ADGB: variants seen among roughly 807,000 people sequenced by gnomAD.
ADGB encodes calpain-7-like protein.
A neutral mutation model predicts 210.5 loss-of-function variants in ADGB; 172 were observed. The observed-to-expected ratio is 0.82, with a 90% CI of 0.72 to 0.93. The LOEUF (loss-of-function observed/expected upper bound fraction) is 0.93. Ranked by LOEUF, ADGB falls within the 40% of genes least tolerant of loss-of-function variation. ADGB has a pLI of 0.00. For missense variants in ADGB, 2,025 were observed against 1,964.8 expected (o/e 1.03, Z -0.58); for synonymous variants, 658 against 662.7 (o/e 0.99, Z 0.11).
chr6:146,638,204 T>G (rs1035462079), intron 2 of ADGB, among the ~76,000 whole-genome samples: 1 of 135,866 alleles, frequency 7.4e-6, no homozygotes, highest in Non-Finnish European at 1.7e-5. Flanking sequence ...ATGTTAACCC[T>G]TTTCCCATTA....
chr6:146,803,852 C>A, intron 35 of ADGB: 1 of 335,548 alleles, frequency 3.0e-6, no homozygotes, highest in Non-Finnish European at 5.4e-6. Context: ...GCCGCGCGCG[C>A]GGCCTGCCGG....
intron 22 of ADGB, among the ~76,000 whole-genome samples, chr6:146,735,546 G>C (rs1411018630): frequency 6.6e-6 from 1 of 152,108 alleles, no homozygotes; most frequent in Non-Finnish European, 1.5e-5. Context: ...ACCTCTTAAA[G>C]GTTCCACTTC....
chr6:146,672,441 CT>C lies in ADGB; in HGVS notation c.1062del (p.Glu355ArgfsTer80). On this transcript the variant is annotated frameshift_variant, in exon 8 of 36. Transcript: ENST00000397944. LOFTEE classifies it high-confidence loss of function. ...AGTTCTTTGACAACACTAAAGGCTCCTGAGAAAAGCGACAAAGTTCCAAAGG... is the reference window on the plus strand; with the variant it reads ...AGTTCTTTGACAACACTAAAGGCTCCGAGAAAAGCGACAAAGTTCCAAAGG... The part of the protein sequence containing the change: ...PESSLTTLKA[P>X]EKSDKVPKEK... 1 of 1,545,046 alleles carries C rather than the reference CT, an allele frequency of 6.5e-7. No homozygotes were observed. The highest frequency in any genetic ancestry group is 8.7e-7 in the Non-Finnish European group (1 of 1,145,120).
At chr6:146,661,618 G>A (rs1775860560) in intron 5 of ADGB, among the ~76,000 whole-genome samples, 1 of 151,936 alleles carries the variant, frequency 6.6e-6, no homozygotes. Context: ...TTGAAGACAA[G>A]AGTACCACAT....
chr6:146,685,535 A>G (rs1292839042), intron 9 of ADGB, among the ~76,000 whole-genome samples, 199 bp from the exon 10 acceptor site: 1 of 152,052 alleles, frequency 6.6e-6, no homozygotes, highest in Non-Finnish European at 1.5e-5. Context: ...TAACAACGTG[A>G]ACTTAAAATG....
intron 29 of ADGB, among the ~76,000 whole-genome samples, chr6:146,775,325 A>G (rs1244794480): frequency 1.3e-5 from 2 of 152,136 alleles, no homozygotes; most frequent in African/African-American, 4.8e-5. Flanking sequence ...AATAATGGCT[A>G]TGTACAACTT....
In ADGB at chr6:146,721,512, G is replaced by A. The variant is rs1372198704; in HGVS notation, c.2095+7G>A. ...CGCTGGGGGGAGTATGGAGGTAAGAGGGCTCTGAGAAAATGATAGCCTTAA... is the reference window on the plus strand; with the variant it reads ...CGCTGGGGGGAGTATGGAGGTAAGAAGGCTCTGAGAAAATGATAGCCTTAA... On this transcript the variant is annotated splice_region_variant and intron_variant, in intron 17 of 35. Coordinates refer to ENST00000397944, the MANE Select transcript of ADGB (RefSeq NM_024694.4). 6.3e-6 allele frequency: 9 copies of A among 1,432,806 alleles called. No individual in the cohort carries two copies. The highest frequency in any genetic ancestry group is 8.4e-6 in the Non-Finnish European group (9 of 1,076,766). 88.8% of individuals were successfully genotyped at this position (1,432,806 alleles called of 1,614,324 possible). A position where few individuals can be genotyped will look rare whatever the true frequency, so the allele number is the denominator to read the frequency against.
chr6:146,681,946 A>T (rs1776163770), intron 9 of ADGB, among the ~76,000 whole-genome samples: 1 of 152,140 alleles, frequency 6.6e-6, no homozygotes, highest in Admixed American at 6.6e-5. Context: ...TCCGTAACTC[A>T]GTTTACTTGC....
chr6:146,626,535 G>A (rs1321326108), intron 1 of ADGB, among the ~76,000 whole-genome samples: 3 of 151,802 alleles, frequency 2.0e-5, no homozygotes, highest in South Asian at 2.1e-4. Flanking sequence ...TTTTCAATAG[G>A]TGTAGACTTT....
chr6:146,704,056 A>T (rs1776532680), intron 13 of ADGB, among the ~76,000 whole-genome samples: 1 of 151,854 alleles, frequency 6.6e-6, no homozygotes, highest in East Asian at 1.9e-4. Context: ...TCCTCTGATG[A>T]TTAGTGATGT....
chr6:146,629,518 A>C (rs1198713329), intron 1 of ADGB, among the ~76,000 whole-genome samples: 2 of 152,246 alleles, frequency 1.3e-5, no homozygotes, highest in Non-Finnish European at 2.9e-5. Flanking sequence ...GAGCTGGAAG[A>C]TTTACTTACA....
Position 146,764,069 on chromosome 6 carries a change from C to T in ADGB, c.3719C>T (p.Thr1240Ile). The change falls in exon 28 of 36, where the codon ACT becomes ATT. Residue 1240 changes from threonine (T) to isoleucine (I), a missense_variant. Coordinates refer to ENST00000397944, the MANE Select transcript of ADGB (RefSeq NM_024694.4). ...LVEEETTSTP[T>I]REDSSSTPLQ... The stretch of plus-strand genomic sequence containing the variant: ...GAGGAGGAAACTACCAGTACACCCA[C>T]TAGAGAAGACAGTTCCAGCACACCA... The T allele has an allele frequency of 6.5e-7, 1 of 1,550,224 alleles. No homozygotes were observed. Among genetic ancestry groups the T allele is most frequent in the Non-Finnish European group, 8.7e-7 (1 of 1,146,336 alleles).
chr6:146,738,777 C>T (rs963629591), intron 23 of ADGB, among the ~76,000 whole-genome samples: 1 of 152,138 alleles, frequency 6.6e-6, no homozygotes, highest in African/African-American at 2.4e-5. Flanking sequence ...TTCATCTTAA[C>T]AATTCAATCC....
intron 1 of ADGB, among the ~76,000 whole-genome samples, chr6:146,614,806 A>G (rs1369501080): frequency 6.6e-6 from 1 of 152,272 alleles, no homozygotes; most frequent in East Asian, 1.9e-4. Context: ...TCAACTTCTG[A>G]TGGGGCCTTT....
chr6:146,680,275 G>C (rs1308615331), intron 9 of ADGB, among the ~76,000 whole-genome samples: 2 of 152,172 alleles, frequency 1.3e-5, no homozygotes, highest in Non-Finnish European at 2.9e-5. Context: ...ATGCTGTTGA[G>C]AGCACAGTGT....
intron 32 of ADGB, among the ~76,000 whole-genome samples, chr6:146,786,175 ATATT>A (rs1777871333): frequency 1.4e-5 from 2 of 147,100 alleles, no homozygotes; most frequent in Non-Finnish European, 3.0e-5. Context: ...GTATATATAT[ATATT>A]TAAGTATATA....
chr6:146,757,263 C>A (rs943655414), intron 27 of ADGB, among the ~76,000 whole-genome samples: 1 of 151,422 alleles, frequency 6.6e-6, no homozygotes, highest in Non-Finnish European at 1.5e-5. Context: ...TTAGAATAAA[C>A]CCTAGTTGAT....
intron 1 of ADGB, among the ~76,000 whole-genome samples, chr6:146,616,465 T>C (rs561192453): frequency 3.2e-4 from 48 of 152,232 alleles, no homozygotes; most frequent in African/African-American, 1.1e-3. Context: ...GTGCTGCCTG[T>C]GCTTTGGAAG....
At chr6:146,663,306 G>T (rs948393329) in intron 5 of ADGB, among the ~76,000 whole-genome samples, 2 of 150,620 alleles carry the variant, frequency 1.3e-5, no homozygotes, top group Non-Finnish European at 3.0e-5. Context: ...TAAACAGCAA[G>T]AATTTATTTT....
Sources: allele counts gnomAD v4.1 joint callset (sites outside exome capture counted in the v4.1 genomes callset), GRCh38; gene constraint gnomAD v4.1.1; transcripts MANE v1.5; gene names NCBI Gene and HGNC (gene_info 2026-07-23, HGNC 2026-07-21).